The following GLCE variants were observed in gnomAD, a reference collection of about 807,000 sequenced individuals.
The protein encoded by GLCE is D-glucuronyl C5-epimerase.
GLCE carries 19 observed loss-of-function variants against 47.9 expected under a neutral mutation model. That is an observed-to-expected ratio of 0.40 (90% CI 0.28 to 0.58). GLCE has a LOEUF of 0.58. Among genes scored for constraint, GLCE ranks in the 20% least tolerant of loss-of-function variants. The pLI is 0.48. For synonymous variants in GLCE, 245 were observed against 263.4 expected, an observed-to-expected ratio of 0.93 and a Z score of 0.68; for missense variants, 556 against 743.3, an observed-to-expected ratio of 0.75 and a Z score of 2.93.
At chr15:69,231,984 G>T (rs1056196536) in intron 2 of GLCE, among the ~76,000 whole-genome samples, 1 of 151,836 alleles carries the variant, frequency 6.6e-6, no homozygotes, top group Non-Finnish European at 1.5e-5. Context: ...GTAGAGACAG[G>T]GTTTCACCAT....
At chr15:69,177,337 A>T (rs772759783) in intron 1 of GLCE, among the ~76,000 whole-genome samples, 38 of 152,204 alleles carry the variant, frequency 2.5e-4, no homozygotes, top group African/African-American at 8.9e-4. Flanking sequence ...TGCTGAGATT[A>T]CTGGTGTGAG....
At position 69,269,386 on chromosome 15, in the gene GLCE, C is replaced by T; in HGVS notation, c.*142C>T. ...CAAAGTGATAAGTGATCCTTAAAAC[C>T]AGCCTTCTAAAATAATTGCATTCCA... On this transcript the variant is annotated 3_prime_UTR_variant, in exon 5 of 5. Coordinates refer to ENST00000261858, the MANE Select transcript of GLCE (RefSeq NM_015554.3). 1.5e-6 allele frequency: 1 copy of T among 667,988 alleles called. No homozygotes were observed. The allele number at this position is 667,988 out of a possible 1,614,324, so 41.4% of individuals were successfully genotyped here.
At chr15:69,247,656 T>A (rs1057369700) in intron 2 of GLCE, among the ~76,000 whole-genome samples, 6 of 152,186 alleles carry the variant, frequency 3.9e-5, no homozygotes, top group African/African-American at 1.4e-4. Flanking sequence ...TAGCTTTTGT[T>A]TTAAAGTGAG....
intron 2 of GLCE, among the ~76,000 whole-genome samples, chr15:69,247,643 T>G (rs2052771774): frequency 6.6e-6 from 1 of 152,214 alleles, no homozygotes; most frequent in African/African-American, 2.4e-5. Context: ...GCTTAATCAT[T>G]TCTAGCTTTT....
chr15:69,216,664 A>G (rs185639560), intron 2 of GLCE, among the ~76,000 whole-genome samples: 1 of 152,212 alleles, frequency 6.6e-6, no homozygotes, highest in Non-Finnish European at 1.5e-5. Flanking sequence ...AGAAAGTTAT[A>G]CAGCAAACTG....
In GLCE at chr15:69,269,223, C is replaced by T. The variant is rs2053130387; in HGVS notation, c.1833C>T (p.Gly611=). The T allele has an allele frequency of 6.2e-7, 1 of 1,613,874 alleles. No homozygotes were observed. The highest frequency in any genetic ancestry group is 8.5e-7 in the Non-Finnish European group (1 of 1,179,816). The change falls in exon 5 of 5, where the codon GGC becomes GGT. Residue 611 remains glycine, a synonymous_variant. Transcript: ENST00000261858. ...AGAGGTGGAAAAGCTACCTTAAAGG[C>T]AGCAGGGCAAAGCACAACTAGAGCT... ...FVKRWKSYLK[G]SRAKHN is the part of the protein sequence containing the mutation.
rs568366572 is a variant in GLCE, at chr15:69,188,275, G to C, written c.-104-22041G>C. 2.0e-5 allele frequency among the ~76,000 whole-genome samples: 3 copies of C among 151,968 alleles called. No homozygotes were observed. The East Asian group carries it at 5.8e-4, about 29-fold the overall frequency. On this transcript the variant is annotated intron_variant, in intron 1 of 4. Transcript: ENST00000261858. ...AAAACAAAACAAAAAAACACAACTT[G>C]GTCATGAGGTATTGTACTTTTTACA...
chr15:69,261,167 AG>A lies in GLCE; in HGVS notation c.668del (p.Ser223ThrfsTer4), dbSNP rs1278068431. On this transcript the variant is annotated frameshift_variant, in exon 4 of 5. Transcript: ENST00000261858. LOFTEE classifies it high-confidence loss of function. ...QIAQYGLSHY[S>X]KNLTEKPPHI... ...TGCACAGTATGGATTAAGTCATTAC[AG>A]CAAGAATCTAACTGAGAAACCTCCT... The A allele has an allele frequency of 6.2e-7, 1 of 1,613,896 alleles. No homozygotes were observed. Among genetic ancestry groups the A allele is most frequent in the African/African-American group, 1.3e-5 (1 of 74,928 alleles).
Position 69,269,159 on chromosome 15 carries a change from G to A in GLCE, c.1769G>A (p.Ser590Asn), listed in dbSNP as rs141961557. The A allele has an allele frequency of 1.2e-6, 2 of 1,613,172 alleles. No individual in the cohort carries two copies. Among genetic ancestry groups the A allele is most frequent in the African/African-American group, 2.7e-5 (2 of 74,892 alleles). ...TTHINQLQLLSTIDESPVFKE... is the reference protein window; with the variant it reads ...TTHINQLQLLNTIDESPVFKE... ...CACATCAATCAGTTGCAGCTACTCA[G>A]TACCATTGATGAGTCCCCAGTCTTC... Residue 590 changes from serine (S) to asparagine (N), a missense_variant, in exon 5 of 5, where the codon AGT (serine) becomes AAT (asparagine). Transcript: ENST00000261858.
intron 3 of GLCE, among the ~76,000 whole-genome samples, chr15:69,258,885 T>C (rs2052973345): frequency 6.6e-6 from 1 of 152,268 alleles, no homozygotes; most frequent in African/African-American, 2.4e-5. Context: ...TGTTAATCTT[T>C]ATTTGCTATT....
intron 1 of GLCE, among the ~76,000 whole-genome samples, chr15:69,185,535 C>T (rs1219004680): frequency 1.3e-5 from 2 of 152,146 alleles, no homozygotes; most frequent in East Asian, 3.9e-4. Flanking sequence ...CAGATAACTT[C>T]ATCTCAGACC....
chr15:69,241,386 G>A (rs1303533222), intron 2 of GLCE, among the ~76,000 whole-genome samples: 1 of 152,164 alleles, frequency 6.6e-6, no homozygotes, highest in Non-Finnish European at 1.5e-5. Context: ...TACTGTAGCT[G>A]AGAGATTCTG....
chr15:69,267,873 G>A (rs1170503675), intron 4 of GLCE, among the ~76,000 whole-genome samples: 3 of 149,238 alleles, frequency 2.0e-5, no homozygotes, highest in African/African-American at 7.4e-5. Flanking sequence ...TGCAGAATGG[G>A]TATAGTAGAA....
chr15:69,243,560 G>A (rs1231623839), intron 2 of GLCE, among the ~76,000 whole-genome samples: 3 of 115,532 alleles, frequency 2.6e-5, no homozygotes, highest in East Asian at 2.7e-4. Flanking sequence ...TAATGAGACC[G>A]CCCCCATCTC....
chr15:69,259,000 GAAAGGTGGAA>G (rs1160423946), intron 3 of GLCE, among the ~76,000 whole-genome samples: 11 of 152,250 alleles, frequency 7.2e-5, no homozygotes, highest in African/African-American at 2.6e-4. Flanking sequence ...CCATTTTCCA[GAAAGGTGGAA>G]CTTGCTCATG....
intron 2 of GLCE, among the ~76,000 whole-genome samples, chr15:69,219,637 C>A (rs1192435325): frequency 1.3e-5 from 2 of 151,916 alleles, no homozygotes; most frequent in East Asian, 3.8e-4. Flanking sequence ...TTTTGTTGTT[C>A]TTCTTTACAA....
At chr15:69,194,535 A>C (rs1048122463) in intron 1 of GLCE, 7 of 152,146 alleles carry the variant, frequency 4.6e-5, no homozygotes, top group African/African-American at 1.7e-4. Flanking sequence ...GGTAAAAATA[A>C]TTCATTCTTA....
intron 1 of GLCE, among the ~76,000 whole-genome samples, chr15:69,172,291 G>A (rs1595734384): frequency 1.3e-5 from 2 of 152,232 alleles, no homozygotes; most frequent in African/African-American, 4.8e-5. Flanking sequence ...ACAGATTATC[G>A]AACACACGTG....
rs2053132681 is a variant in GLCE at position 69,269,304 on chromosome 15, T to C, written c.*60T>C. The C allele has an allele frequency of 7.4e-7, 1 of 1,352,982 alleles. No individual in the cohort carries two copies. The highest frequency in any genetic ancestry group is 1.0e-6 in the Non-Finnish European group (1 of 960,450). 83.8% of individuals were successfully genotyped at this position (1,352,982 alleles called of 1,614,324 possible). On this transcript the variant is annotated 3_prime_UTR_variant, in exon 5 of 5. Transcript: ENST00000261858. ...GTACACAGAAACTACAGGCTCTGTC[T>C]CAGGAGAGCATAGGCACATTTTAAA...
Sources: gnomAD v4.1 joint callset for allele counts (sites outside exome capture counted in the v4.1 genomes callset) on GRCh38, gnomAD v4.1.1 for gene constraint, MANE v1.5 for transcripts, NCBI Gene and HGNC (gene_info 2026-07-23, HGNC 2026-07-21) for gene names.